SDR9C7: variants seen among roughly 807,000 people sequenced by gnomAD.
SDR9C7 encodes the protein short chain dehydrogenase/reductase family 9C member 7.
A neutral mutation model predicts 23.6 loss-of-function variants in SDR9C7; 11 were observed. The ratio of observed to expected loss-of-function variants is 0.47; its 90% CI spans 0.29 to 0.77. The LOEUF is 0.77. Among genes scored for constraint, SDR9C7 ranks in the 30% least tolerant of loss-of-function variants. The probability of loss-of-function intolerance (pLI) is 0.09; values close to 1 mark genes in which losing one functional copy is unlikely to be tolerated. For missense variants in SDR9C7, 387 were observed against 407.1 expected (o/e 0.95, Z 0.42); for synonymous variants, 167 against 157.3 (o/e 1.06, Z -0.46).
chr12:56,930,254 C>CA lies in SDR9C7; in HGVS notation c.531dup (p.Gly178TrpfsTer3), dbSNP rs1344679509. On this transcript the variant is annotated frameshift_variant, in exon 2 of 4. Coordinates refer to ENST00000293502, the MANE Select transcript of SDR9C7 (RefSeq NM_148897.3). LOFTEE classifies it high-confidence loss of function. ...ATGCTGTCAGAGAAGGCCTCAACGC[C>CA]AAACTTGGAGACGCAGTAGCCACCA... 2 of 1,614,040 alleles carry CA rather than the reference C, an allele frequency of 1.2e-6. No individual in the cohort carries two copies. The highest frequency in any genetic ancestry group is 1.7e-6 in the Non-Finnish European group (2 of 1,180,042).
intron 3 of SDR9C7, among the ~76,000 whole-genome samples, chr12:56,926,579 T>G (rs1242949966): frequency 6.6e-6 from 1 of 152,246 alleles, no homozygotes; most frequent in East Asian, 1.9e-4. Context: ...GTTCAGCTCT[T>G]ACTGTAGCAG....
At chr12:56,927,133 G>A (rs902916325) in intron 3 of SDR9C7, among the ~76,000 whole-genome samples, 4 of 152,162 alleles carry the variant, frequency 2.6e-5, no homozygotes, top group Admixed American at 2.0e-4. Flanking sequence ...TTATGGTGTG[G>A]ACTACAGGTG....
At chr12:56,931,272 T>C (rs1955767028) in intron 1 of SDR9C7, among the ~76,000 whole-genome samples, 1 of 150,786 alleles carries the variant, frequency 6.6e-6, no homozygotes, top group Non-Finnish European at 1.5e-5. Flanking sequence ...AATAAAACGA[T>C]ATAAAATAAA....
intron 3 of SDR9C7, among the ~76,000 whole-genome samples, chr12:56,924,675 C>T (rs1955721649): frequency 6.6e-6 from 1 of 152,166 alleles, no homozygotes; most frequent in Non-Finnish European, 1.5e-5. Flanking sequence ...AATCCCAGTA[C>T]TTTGGGATGC....
At chr12:56,931,497 T>C (rs979965667) in intron 1 of SDR9C7, among the ~76,000 whole-genome samples, 4 of 152,146 alleles carry the variant, frequency 2.6e-5, no homozygotes, top group Non-Finnish European at 4.4e-5. Context: ...AGTGTTGTCA[T>C]TCAACTCTGC....
intron 3 of SDR9C7, 39 bp downstream of exon 3, chr12:56,929,351 G>A (rs778384902): frequency 8.8e-6 from 14 of 1,582,244 alleles, no homozygotes; most frequent in Middle Eastern, 1.7e-4. Flanking sequence ...AGACCCACTC[G>A]CCCCCCTCAG....
In SDR9C7 at chr12:56,930,210, A is replaced by G. The variant is rs1369255998; in HGVS notation, c.560+16T>C. 1 of 1,613,566 alleles carries G rather than the reference A, an allele frequency of 6.2e-7. No homozygotes were observed. The highest frequency in any genetic ancestry group is 1.3e-5 in the African/African-American group (1 of 74,886). On this transcript the variant is annotated intron_variant, in intron 2 of 3. Transcript: ENST00000293502. ...GGATTTTCACCCAGAATTGTTCAGTACCAGGGCCCAGTTACCTTATGCTGT... is the reference window on the plus strand; with the variant it reads ...GGATTTTCACCCAGAATTGTTCAGTGCCAGGGCCCAGTTACCTTATGCTGT...
At chr12:56,928,556 C>T (rs1345633915) in intron 3 of SDR9C7, among the ~76,000 whole-genome samples, 1 of 152,232 alleles carries the variant, frequency 6.6e-6, no homozygotes, top group Non-Finnish European at 1.5e-5. Context: ...GTGTCCGCTC[C>T]AGCTCTCCAG....
intron 2 of SDR9C7, among the ~76,000 whole-genome samples, 179 bp from the exon 3 acceptor site, chr12:56,929,732 T>A (rs556184512): frequency 6.6e-6 from 1 of 152,322 alleles, no homozygotes; most frequent in Admixed American, 6.5e-5. Flanking sequence ...TTTCCAAAAC[T>A]GGCCCAACAG....
At chr12:56,933,220 C>A (rs1955778047) in intron 1 of SDR9C7, among the ~76,000 whole-genome samples, 1 of 152,230 alleles carries the variant, frequency 6.6e-6, no homozygotes, top group African/African-American at 2.4e-5. Flanking sequence ...GTCAAGGAGA[C>A]AAACTGCACC....
chr12:56,930,924 G>T (rs772147002), intron 1 of SDR9C7, among the ~76,000 whole-genome samples: 1 of 152,034 alleles, frequency 6.6e-6, no homozygotes, highest in African/African-American at 2.4e-5. Flanking sequence ...CATTTATCTA[G>T]TCTGTGACAA....
Position 56,929,406 on chromosome 12 carries a change from C to T in SDR9C7, c.708G>A (p.Glu236=). The change falls in exon 3 of 4, where the codon GAG becomes GAA. Residue 236 remains glutamate (E), a synonymous_variant. Transcript: ENST00000293502. ...LPQETRDSYG[E]DYFRIYTDKL... ...GGAACTTACAGATGCGGAAATAATC[C>T]TCTCCGTAGCTGTCCCGGGTCTCCT... The T allele has an allele frequency of 6.2e-7, 1 of 1,605,514 alleles. No homozygotes were observed. Among genetic ancestry groups the T allele is most frequent in the Non-Finnish European group, 8.5e-7 (1 of 1,172,652 alleles).
intron 1 of SDR9C7, among the ~76,000 whole-genome samples, chr12:56,931,159 C>G (rs1176590685): frequency 6.6e-6 from 1 of 151,922 alleles, no homozygotes; most frequent in Non-Finnish European, 1.5e-5. Context: ...CACTTGAGCC[C>G]GGGTTACAGG....
intron 1 of SDR9C7, among the ~76,000 whole-genome samples, chr12:56,931,890 A>G (rs1592424317): frequency 6.6e-6 from 1 of 151,148 alleles, no homozygotes; most frequent in Admixed American, 6.6e-5. Flanking sequence ...ATCCTAGTCC[A>G]CCCCTCCCTC....
chr12:56,928,043 T>G (rs1328351592), intron 3 of SDR9C7, among the ~76,000 whole-genome samples: 1 of 152,192 alleles, frequency 6.6e-6, no homozygotes, highest in East Asian at 1.9e-4. Context: ...TAAGGAGTAC[T>G]CCAAACATTT....
intron 3 of SDR9C7, among the ~76,000 whole-genome samples, chr12:56,926,543 G>A (rs1190647597): frequency 1.3e-5 from 2 of 152,186 alleles, no homozygotes; most frequent in African/African-American, 2.4e-5. Flanking sequence ...ACTCCTGCCA[G>A]ACTATAATGG....
At chr12:56,924,202 A>C in intron 3 of SDR9C7, 152 bp from the exon 4 acceptor site, 2 of 593,672 alleles carry the variant, frequency 3.4e-6, no homozygotes. Flanking sequence ...TTATACAAAC[A>C]CACATTTATA....
chr12:56,929,863 T>A (rs574148898), intron 2 of SDR9C7, among the ~76,000 whole-genome samples: 1 of 151,862 alleles, frequency 6.6e-6, no homozygotes, highest in East Asian at 1.9e-4. Flanking sequence ...ACCCACACGG[T>A]GAATGGTGTG....
chr12:56,930,252 G>T lies in SDR9C7; in HGVS notation c.534C>A (p.Gly178=). The T allele has an allele frequency of 6.2e-7, 1 of 1,614,036 alleles. No homozygotes were observed. Among genetic ancestry groups the T allele is most frequent in the Non-Finnish European group, 8.5e-7 (1 of 1,180,014 alleles). ...TTATGCTGTCAGAGAAGGCCTCAAC[G>T]CCAAACTTGGAGACGCAGTAGCCAC... ...IGGGYCVSKF[G]VEAFSDSIRR... Residue 178 remains glycine (G), a synonymous_variant, in exon 2 of 4, where the codon GGC becomes GGA. Coordinates refer to ENST00000293502, the MANE Select transcript of SDR9C7 (RefSeq NM_148897.3).
Sources: gnomAD v4.1 joint callset for allele counts (sites outside exome capture counted in the v4.1 genomes callset) on GRCh38, gnomAD v4.1.1 for gene constraint, MANE v1.5 for transcripts, NCBI Gene and HGNC (gene_info 2026-07-23, HGNC 2026-07-21) for gene names.